Variants in GPC5 observed in about 807,000 individuals in gnomAD.
The protein encoded by GPC5 is glypican-5.
Under a neutral mutation model 53.9 loss-of-function variants are expected in GPC5, and 47 were observed. That is an observed-to-expected ratio of 0.87 (90% CI 0.69 to 1.11). The LOEUF is 1.11. Ranked by LOEUF, GPC5 falls within the 50% of genes most tolerant of loss-of-function variation. The probability of loss-of-function intolerance (pLI) is 0.00; values close to 1 mark genes in which losing one functional copy is unlikely to be tolerated. For synonymous variants in GPC5, 286 were observed against 263.3 expected (o/e 1.09, Z -0.84); for missense variants, 748 against 713.1 (o/e 1.05, Z -0.56).
At chr13:92,115,101 A>G (rs1044790812) in intron 6 of GPC5, among the ~76,000 whole-genome samples, 5 of 152,260 alleles carry the variant, frequency 3.3e-5, no homozygotes, top group African/African-American at 1.2e-4. Flanking sequence ...AAAGCCCATT[A>G]GAAGTGTTTG....
chr13:92,647,024 T>C (rs1005344964), intron 7 of GPC5, among the ~76,000 whole-genome samples: 3 of 151,688 alleles, frequency 2.0e-5, no homozygotes, highest in Admixed American at 1.3e-4. Context: ...AGTTTAGCTT[T>C]TCTGTAGCCT....
chr13:91,674,295 A>T (rs2035317106), intron 2 of GPC5, among the ~76,000 whole-genome samples: 1 of 151,934 alleles, frequency 6.6e-6, no homozygotes, highest in African/African-American at 2.4e-5. Flanking sequence ...TGCCTTTCCC[A>T]GTGTGGATGG....
intron 7 of GPC5, among the ~76,000 whole-genome samples, chr13:92,696,076 CTT>C (rs1887548055): frequency 6.6e-6 from 1 of 151,990 alleles, no homozygotes; most frequent in Admixed American, 6.6e-5. Context: ...TATGTGCCAC[CTT>C]TCTTTATCCA....
chr13:91,872,135 T>C (rs1326245987), intron 5 of GPC5, among the ~76,000 whole-genome samples: 1 of 152,004 alleles, frequency 6.6e-6, no homozygotes, highest in African/African-American at 2.4e-5. Context: ...TAGAAGACAG[T>C]GACAGTGCCT....
At chr13:92,071,075 A>G (rs1284278025) in intron 6 of GPC5, among the ~76,000 whole-genome samples, 1 of 152,104 alleles carries the variant, frequency 6.6e-6, no homozygotes, top group Non-Finnish European at 1.5e-5. Context: ...GTCTCTACTA[A>G]AAATACAAAA....
At chr13:92,351,179 T>C (rs1208117143) in intron 7 of GPC5, among the ~76,000 whole-genome samples, 2 of 151,814 alleles carry the variant, frequency 1.3e-5, no homozygotes, top group African/African-American at 4.8e-5. Context: ...TAACAAAATA[T>C]ACGTTTTTCT....
At chr13:91,640,646 A>G (rs946804884) in intron 2 of GPC5, among the ~76,000 whole-genome samples, 2 of 152,182 alleles carry the variant, frequency 1.3e-5, no homozygotes, top group African/African-American at 2.4e-5. Context: ...CTAAAGGAAT[A>G]TAAATGATTC....
chr13:92,174,476 A>T (rs2042094455), intron 7 of GPC5, among the ~76,000 whole-genome samples: 1 of 150,824 alleles, frequency 6.6e-6, no homozygotes, highest in East Asian at 2.0e-4. Context: ...CGGGGCTTGC[A>T]GTGCGCAGAG....
chr13:91,883,980 C>A (rs1197572879), intron 5 of GPC5, among the ~76,000 whole-genome samples: 2 of 151,828 alleles, frequency 1.3e-5, no homozygotes, highest in African/African-American at 4.8e-5. Context: ...TACATGTAAC[C>A]AACAAACATA....
At chr13:92,014,135 C>G (rs182734145) in intron 6 of GPC5, among the ~76,000 whole-genome samples, 1 of 152,134 alleles carries the variant, frequency 6.6e-6, no homozygotes, top group Middle Eastern at 3.2e-3. Context: ...TTCTGACTTG[C>G]CTTTATCTAC....
chr13:92,762,412 T>C (rs1309194658), intron 7 of GPC5, among the ~76,000 whole-genome samples: 1 of 152,048 alleles, frequency 6.6e-6, no homozygotes, highest in Admixed American at 6.6e-5. Context: ...CATACATAAA[T>C]GGTAAAGAAA....
At chr13:92,138,944 A>T (rs918608811) in intron 6 of GPC5, among the ~76,000 whole-genome samples, 3 of 152,204 alleles carry the variant, frequency 2.0e-5, no homozygotes, top group Admixed American at 6.5e-5. Flanking sequence ...ACTTTTTGCA[A>T]AAATCCATTT....
At chr13:91,698,500 G>T (rs1015113574) in intron 3 of GPC5, among the ~76,000 whole-genome samples, 4 of 152,056 alleles carry the variant, frequency 2.6e-5, no homozygotes, top group Non-Finnish European at 5.9e-5. Context: ...AAAAGTTAAA[G>T]TAGCAGCCTG....
intron 7 of GPC5, among the ~76,000 whole-genome samples, chr13:92,260,679 G>T (rs1008422700): frequency 6.6e-6 from 1 of 152,088 alleles, no homozygotes; most frequent in East Asian, 1.9e-4. Flanking sequence ...GGGTGGGTTT[G>T]GTTACTAGTA....
chr13:92,236,976 T>C (rs1196128035), intron 7 of GPC5, among the ~76,000 whole-genome samples: 4 of 152,134 alleles, frequency 2.6e-5, no homozygotes, highest in African/African-American at 9.7e-5. Flanking sequence ...ATAAATCACT[T>C]TCTTTAGTTA....
chr13:91,642,380 A>T (rs1196659799), intron 2 of GPC5, among the ~76,000 whole-genome samples: 1 of 152,234 alleles, frequency 6.6e-6, no homozygotes, highest in Non-Finnish European at 1.5e-5. Context: ...GATGAAAAAC[A>T]CAACACACAC....
intron 7 of GPC5, among the ~76,000 whole-genome samples, chr13:92,807,183 C>T (rs577132174): frequency 6.6e-6 from 1 of 152,028 alleles, no homozygotes; most frequent in Non-Finnish European, 1.5e-5. Context: ...TTTATATTTA[C>T]AATATCATCA....
intron 7 of GPC5, among the ~76,000 whole-genome samples, chr13:92,789,251 G>T (rs1028362708): frequency 6.6e-6 from 1 of 152,092 alleles, no homozygotes; most frequent in Non-Finnish European, 1.5e-5. Flanking sequence ...TGTTAGGGGG[G>T]TCAGTTGTCT....
intron 2 of GPC5, among the ~76,000 whole-genome samples, chr13:91,677,183 A>T (rs916255423): frequency 2.0e-5 from 3 of 152,226 alleles, no homozygotes; most frequent in Non-Finnish European, 4.4e-5. Flanking sequence ...AAATGAAAGA[A>T]AAAGGGAATC....
Sources: gnomAD v4.1 joint callset for allele counts (sites outside exome capture counted in the v4.1 genomes callset) on GRCh38, gnomAD v4.1.1 for gene constraint, MANE v1.5 for transcripts, NCBI Gene and HGNC (gene_info 2026-07-23, HGNC 2026-07-21) for gene names.